FHOD3: variants seen among roughly 807,000 people sequenced by gnomAD.
The protein encoded by FHOD3 is FH1/FH2 domain-containing protein 3.
Under a neutral mutation model 173.0 loss-of-function variants are expected in FHOD3, and 90 were observed. The observed-to-expected ratio is 0.52, with a 90% CI of 0.44 to 0.62. The LOEUF (loss-of-function observed/expected upper bound fraction) is 0.62. FHOD3 is among the 20% of genes least tolerant of loss of function. The probability of loss-of-function intolerance (pLI) is 0.00; values close to 1 mark genes in which losing one functional copy is unlikely to be tolerated. For missense variants in FHOD3, 1,945 were observed against 2,034.7 expected, an observed-to-expected ratio of 0.96 and a Z score of 0.85; for synonymous variants, 828 against 823.0, an observed-to-expected ratio of 1.01 and a Z score of -0.10.
intron 17 of FHOD3, among the ~76,000 whole-genome samples, chr18:36,697,780 G>A (rs1435886404): frequency 6.6e-6 from 1 of 152,124 alleles, no homozygotes; most frequent in African/African-American, 2.4e-5. Flanking sequence ...CCTCAAACCT[G>A]GAAATAAAAT....
At chr18:36,603,692 CG>C (rs1339615050) in intron 8 of FHOD3, among the ~76,000 whole-genome samples, 1 of 151,754 alleles carries the variant, frequency 6.6e-6, no homozygotes, top group African/African-American at 2.4e-5. Context: ...TTAGTAGAGT[CG>C]GGGTTTAGCC....
rs1319808120 is a variant in FHOD3, at chr18:36,653,100, C to G, written c.1646+171C>G. 5.9e-5 allele frequency among the ~76,000 whole-genome samples: 9 copies of G among 152,264 alleles called. No homozygotes were observed. The South Asian group carries it at 1.5e-3, about 25-fold the overall frequency. On this transcript the variant is annotated intron_variant, in intron 12 of 28. Coordinates refer to ENST00000590592, the MANE Select transcript of FHOD3 (RefSeq NM_001281740.3). ...TGCTGACCCCTGACTAAATAATGAC[C>G]AGTGTTTACATAAGATGCAGAGAAA...
chr18:36,683,865 C>T (rs1012563968), intron 15 of FHOD3, among the ~76,000 whole-genome samples: 1 of 152,220 alleles, frequency 6.6e-6, no homozygotes, highest in Admixed American at 6.5e-5. Context: ...TCACTTTGCT[C>T]TCCTCCTGCT....
In FHOD3 at chr18:36,379,144, G is replaced by A. The variant is rs559357409; in HGVS notation, c.337+6400G>A. Among the ~76,000 whole-genome samples, 55 of 152,258 alleles carry A rather than the reference G, an allele frequency of 3.6e-4. No individual in the cohort carries two copies. In the South Asian group the frequency reaches 8.1e-3, roughly 22 times the overall value. On this transcript the variant is annotated intron_variant, in intron 3 of 28. Transcript: ENST00000590592. ...GTGGCTTTACCATCTACAGACATGCGGATAAACAGAAATACAGAGGATGAA... is the reference window on the plus strand; with the variant it reads ...GTGGCTTTACCATCTACAGACATGCAGATAAACAGAAATACAGAGGATGAA...
At chr18:36,337,929 T>C (rs1183836341) in intron 1 of FHOD3, among the ~76,000 whole-genome samples, 1 of 152,106 alleles carries the variant, frequency 6.6e-6, no homozygotes, top group East Asian at 1.9e-4. Context: ...CTGACTTGGG[T>C]ATCTGGGACT....
chr18:36,420,168 C>G (rs2049915176), intron 3 of FHOD3, among the ~76,000 whole-genome samples: 1 of 152,052 alleles, frequency 6.6e-6, no homozygotes, highest in Non-Finnish European at 1.5e-5. Context: ...ACTGATCCGT[C>G]CACACTCTCT....
At chr18:36,471,884 A>G (rs1160946491) in intron 3 of FHOD3, among the ~76,000 whole-genome samples, 2 of 152,212 alleles carry the variant, frequency 1.3e-5, no homozygotes, top group Admixed American at 1.3e-4. Flanking sequence ...TGATATGAGT[A>G]ATGATTTTCA....
intron 3 of FHOD3, among the ~76,000 whole-genome samples, chr18:36,382,770 G>T (rs2047855353): frequency 6.8e-6 from 1 of 147,364 alleles, no homozygotes; most frequent in Non-Finnish European, 1.5e-5. Context: ...CCCGAGACGG[G>T]TCCTGTCTAG....
intron 3 of FHOD3, among the ~76,000 whole-genome samples, chr18:36,391,210 G>A (rs1245679469): frequency 6.6e-6 from 1 of 152,210 alleles, no homozygotes; most frequent in Non-Finnish European, 1.5e-5. Flanking sequence ...TTGCTGAAGG[G>A]TCAGAGACAT....
chr18:36,377,773 G>A (rs1421354860), intron 3 of FHOD3, among the ~76,000 whole-genome samples: 1 of 152,172 alleles, frequency 6.6e-6, no homozygotes, highest in Non-Finnish European at 1.5e-5. Flanking sequence ...AAGGGAGCTG[G>A]CTGCTCCCTG....
At chr18:36,438,003 C>A (rs2050913287) in intron 3 of FHOD3, among the ~76,000 whole-genome samples, 1 of 152,046 alleles carries the variant, frequency 6.6e-6, no homozygotes, top group African/African-American at 2.4e-5. Context: ...TCAGTGGCAT[C>A]CCCTGCACTG....
intron 20 of FHOD3, among the ~76,000 whole-genome samples, chr18:36,731,333 G>T (rs1226937714): frequency 6.6e-6 from 1 of 152,208 alleles, no homozygotes; most frequent in Non-Finnish European, 1.5e-5. Flanking sequence ...TGACCGCACA[G>T]CTGGTAGCTG....
At chr18:36,367,520 A>G (rs759894108) in intron 2 of FHOD3, among the ~76,000 whole-genome samples, 2 of 152,184 alleles carry the variant, frequency 1.3e-5, no homozygotes, top group African/African-American at 2.4e-5. Flanking sequence ...ATCTTGCTGC[A>G]AAAACACAGA....
intron 3 of FHOD3, among the ~76,000 whole-genome samples, chr18:36,392,994 T>C (rs142743659): frequency 3.3e-5 from 5 of 152,314 alleles, no homozygotes; most frequent in African/African-American, 9.6e-5. Flanking sequence ...AAGCAACATA[T>C]ATTAAGTCTG....
chr18:36,452,824 A>G (rs192298267), intron 3 of FHOD3, among the ~76,000 whole-genome samples: 213 of 152,106 alleles, frequency 1.4e-3, no homozygotes, highest in African/African-American at 5.1e-3. Flanking sequence ...ATGTGTATAT[A>G]TATGTGTGTG....
intron 3 of FHOD3, among the ~76,000 whole-genome samples, chr18:36,479,490 G>A (rs936389904): frequency 6.6e-6 from 1 of 152,114 alleles, no homozygotes; most frequent in African/African-American, 2.4e-5. Context: ...TAAGTTTACA[G>A]CTTTTGAAAA....
intron 5 of FHOD3, among the ~76,000 whole-genome samples, chr18:36,535,506 C>T (rs72893841): frequency 0.029 from 4,436 of 152,276 alleles, 88 homozygotes; most frequent in Non-Finnish European, 0.048. Context: ...AAGCATTCAG[C>T]AGGAATCCTT....
chr18:36,368,777 G>A (rs1481530525), intron 2 of FHOD3, among the ~76,000 whole-genome samples: 1 of 152,092 alleles, frequency 6.6e-6, no homozygotes, highest in Non-Finnish European at 1.5e-5. Context: ...TCTTACAGGT[G>A]GCAGGTGAGA....
intron 17 of FHOD3, among the ~76,000 whole-genome samples, chr18:36,706,551 A>C (rs80203627): frequency 1.8e-4 from 27 of 152,208 alleles, no homozygotes; most frequent in Admixed American, 1.2e-3. Flanking sequence ...ACACCTGCCC[A>C]GGCAGCCTAA....
Sources: allele counts gnomAD v4.1 joint callset (sites outside exome capture counted in the v4.1 genomes callset), GRCh38; gene constraint gnomAD v4.1.1; transcripts MANE v1.5; gene names NCBI Gene and HGNC (gene_info 2026-07-23, HGNC 2026-07-21).